Variants in ANAPC1 observed in about 807,000 individuals in gnomAD.
ANAPC1 encodes the protein anaphase promoting complex subunit 1, also known as anaphase-promoting complex subunit 1.
Under a neutral mutation model 208.0 loss-of-function variants are expected in ANAPC1, and 36 were observed. The observed-to-expected ratio is 0.17, with a 90% CI of 0.13 to 0.23. The LOEUF (loss-of-function observed/expected upper bound fraction) is 0.23, where lower values mean the gene tolerates loss of function less well. ANAPC1 is among the 10% of genes least tolerant of loss of function. ANAPC1 has a pLI of 1.00. For synonymous variants in ANAPC1, 378 were observed against 695.2 expected (o/e 0.54, Z 7.18); for missense variants, 942 against 2,011.6 (o/e 0.47, Z 10.17).
intron 18 of ANAPC1, among the ~76,000 whole-genome samples, chr2:111,835,263 T>G (rs1680402777): frequency 6.6e-6 from 1 of 152,238 alleles, no homozygotes; most frequent in Non-Finnish European, 1.5e-5. Context: ...AAGGTCCACC[T>G]GCATTCAGCT....
intron 1 of ANAPC1, among the ~76,000 whole-genome samples, 179 bp downstream of exon 1, chr2:111,883,763 C>A (rs1383759081): frequency 6.6e-6 from 1 of 152,194 alleles, no homozygotes; most frequent in East Asian, 1.9e-4. Context: ...CCCCAGCCCG[C>A]AGGCCAGGAG....
chr2:111,870,004 A>G (rs1682653027), intron 6 of ANAPC1, among the ~76,000 whole-genome samples: 1 of 152,198 alleles, frequency 6.6e-6, no homozygotes, highest in Non-Finnish European at 1.5e-5. Context: ...TTCACTTAGA[A>G]TCATGGCCTC....
At chr2:111,880,056 C>T (rs1197595557) in intron 2 of ANAPC1, among the ~76,000 whole-genome samples, 1 of 152,142 alleles carries the variant, frequency 6.6e-6, no homozygotes. Context: ...AACAATCATA[C>T]TACTGAACCT....
chr2:111,837,872 G>A (rs1439877586), intron 18 of ANAPC1, among the ~76,000 whole-genome samples: 7 of 151,954 alleles, frequency 4.6e-5, no homozygotes, highest in Non-Finnish European at 5.9e-5. Flanking sequence ...GTCACTTGAC[G>A]TCAGGAGTTC....
At chr2:111,856,381 A>G (rs953139378) in intron 13 of ANAPC1, 41 of 503,480 alleles carry the variant, frequency 8.1e-5, no homozygotes, top group African/African-American at 7.2e-4. Context: ...AAGGTTTCCC[A>G]TCTGTGACAG....
At chr2:111,844,916 GCTCA>G (rs1286850594) in intron 16 of ANAPC1, among the ~76,000 whole-genome samples, 1 of 152,208 alleles carries the variant, frequency 6.6e-6, no homozygotes. Flanking sequence ...TGCAATTATA[GCTCA>G]CTGTCACCTC....
At chr2:111,840,905 TG>T in intron 17 of ANAPC1, among the ~76,000 whole-genome samples, 1 of 152,192 alleles carries the variant, frequency 6.6e-6, no homozygotes, top group Middle Eastern at 3.4e-3. Flanking sequence ...TAGCCAGGCG[TG>T]GAGGTACATG....
rs1233087427 is a variant in ANAPC1, at chr2:111,850,806, AGGC to A, written c.1617_1619del (p.Lys539_Pro540delinsAsn). 1 of 1,611,842 alleles carries A rather than the reference AGGC, an allele frequency of 6.2e-7. No individual in the cohort carries two copies. Among genetic ancestry groups the A allele is most frequent in the Admixed American group, 1.7e-5 (1 of 59,982 alleles). ...CCAATGATCCAAGGAGTTTACTAAG[AGGC>A]TTTGGAGTACTAACGCCATCTAGTG... On this transcript the variant is annotated inframe_deletion, in exon 14 of 48. Coordinates refer to ENST00000341068, the MANE Select transcript of ANAPC1 (RefSeq NM_022662.4).
intron 21 of ANAPC1, among the ~76,000 whole-genome samples, chr2:111,826,666 T>TTTA (rs1553424305): frequency 3.2e-4 from 14 of 43,980 alleles, no homozygotes; most frequent in African/African-American, 1.5e-3. Context: ...TATTTATTTA[T>TTTA]TTTTTTTTTT....
chr2:111,879,623 C>T (rs7597132), intron 2 of ANAPC1, among the ~76,000 whole-genome samples: 5,216 of 152,250 alleles, frequency 0.034, 193 homozygotes, highest in African/African-American at 0.086. Context: ...GTAATCCCAG[C>T]ACTTTGGGAA....
At chr2:111,869,775 T>G (rs1217781095) in intron 6 of ANAPC1, among the ~76,000 whole-genome samples, 1 of 152,178 alleles carries the variant, frequency 6.6e-6, no homozygotes, top group Non-Finnish European at 1.5e-5. Flanking sequence ...CACAGAATTA[T>G]GTAGTGGTGA....
At chr2:111,775,220 C>T (rs1254136558) in intron 46 of ANAPC1, among the ~76,000 whole-genome samples, 1 of 152,142 alleles carries the variant, frequency 6.6e-6, no homozygotes, top group African/African-American at 2.4e-5. Flanking sequence ...GAGCTGAGAT[C>T]GCGCCACTGC....
At position 111,834,826 on chromosome 2, in the gene ANAPC1, G is replaced by T; in HGVS notation, c.2162C>A (p.Ser721Tyr). Residue 721 changes from serine to tyrosine, a missense_variant, in exon 19 of 48, where the codon TCT (serine) becomes TAT (tyrosine). By Grantham distance (144) the Ser-to-Tyr change is moderately radical. Coordinates refer to ENST00000341068, the MANE Select transcript of ANAPC1 (RefSeq NM_022662.4). ...LNSDYHQNVE[S>Y]HLLNRSLCLS... ...ACATAAAGATCTGTTCAAAAGATGA[G>T]ACTCAACATTCTGGTGGTAGTCTGA... The T allele has an allele frequency of 6.2e-7, 1 of 1,607,276 alleles. No homozygotes were observed.
intron 2 of ANAPC1, among the ~76,000 whole-genome samples, chr2:111,879,608 C>T (rs1683192782): frequency 6.6e-6 from 1 of 152,188 alleles, no homozygotes; most frequent in African/African-American, 2.4e-5. Flanking sequence ...TGGTGGCTCA[C>T]GCCTGTAATC....
At position 111,848,862 on chromosome 2, in the gene ANAPC1, C is replaced by T. The variant is rs1228596307; in HGVS notation, c.1651-997G>A. Among the ~76,000 whole-genome samples the T allele has an allele frequency of 2.6e-5, 4 of 151,668 alleles. No individual in the cohort carries two copies. The East Asian group carries it at 7.7e-4, about 29-fold the overall frequency. On this transcript the variant is annotated intron_variant, in intron 14 of 47. Coordinates refer to ENST00000341068, the MANE Select transcript of ANAPC1 (RefSeq NM_022662.4). ...GAAAGGACAGTAATGAAAAAGCCAACAAATGAGACCAGTATTTAATGGTAT... is the reference window on the plus strand; with the variant it reads ...GAAAGGACAGTAATGAAAAAGCCAATAAATGAGACCAGTATTTAATGGTAT...
At position 111,833,348 on chromosome 2, in the gene ANAPC1, C is replaced by T. The variant is rs375470452; in HGVS notation, c.2385-37G>A. The T allele has an allele frequency of 6.5e-6, 10 of 1,534,034 alleles. No individual in the cohort carries two copies. The African/African-American group carries it at 6.8e-5, about 10-fold the overall frequency. ...AGGGCATGTAAAAAAGAAGGTATTA[C>T]AGCACTTTCTCCCAACAGAATTGGA... On this transcript the variant is annotated intron_variant, in intron 19 of 47. Coordinates refer to ENST00000341068, the MANE Select transcript of ANAPC1 (RefSeq NM_022662.4).
chr2:111,861,028 C>A (rs1386685030), intron 10 of ANAPC1, among the ~76,000 whole-genome samples: 1 of 152,226 alleles, frequency 6.6e-6, no homozygotes, highest in African/African-American at 2.4e-5. Flanking sequence ...CTTCTTACCG[C>A]TGTCATCAAA....
intron 38 of ANAPC1, among the ~76,000 whole-genome samples, chr2:111,792,115 C>T (rs915612713): frequency 1.3e-5 from 2 of 151,880 alleles, no homozygotes; most frequent in African/African-American, 4.8e-5. Flanking sequence ...CACTGAAGAA[C>T]CGAGCACAGA....
chr2:111,829,540 G>A (rs1409957825), intron 21 of ANAPC1, among the ~76,000 whole-genome samples: 2 of 152,232 alleles, frequency 1.3e-5, no homozygotes, highest in Non-Finnish European at 2.9e-5. Context: ...TGGGGGGACT[G>A]AGGAACAGGT....
Sources: allele counts gnomAD v4.1 joint callset (sites outside exome capture counted in the v4.1 genomes callset), GRCh38; gene constraint gnomAD v4.1.1; transcripts MANE v1.5; gene names NCBI Gene and HGNC (gene_info 2026-07-23, HGNC 2026-07-21).